The following CAMLG variants were observed in gnomAD, a reference collection of about 807,000 sequenced individuals.
CAMLG encodes calcium modulating ligand.
Under a neutral mutation model 28.9 loss-of-function variants are expected in CAMLG, and 23 were observed. The observed-to-expected ratio is 0.80, with a 90% CI of 0.57 to 1.13. The LOEUF (loss-of-function observed/expected upper bound fraction) is 1.13, where lower values mean the gene tolerates loss of function less well. CAMLG is among the 50% of genes most tolerant of loss of function. The pLI, the probability that CAMLG is intolerant of heterozygous loss-of-function variation, is 0.00. For synonymous variants in CAMLG, 141 were observed against 146.5 expected (o/e 0.96, Z 0.27); for missense variants, 367 against 371.9 (o/e 0.99, Z 0.11).
At chr5:134,745,482 G>A (rs964623186) in intron 3 of CAMLG, among the ~76,000 whole-genome samples, 4 of 151,222 alleles carry the variant, frequency 2.6e-5, no homozygotes, top group Admixed American at 1.3e-4. Context: ...GCTGGGCGCC[G>A]TGGCTCACGC....
In CAMLG at chr5:134,751,044, T is replaced by C; in HGVS notation, c.*94T>C. 1.2e-6 allele frequency: 1 copy of C among 812,430 alleles called. No individual in the cohort carries two copies. Among genetic ancestry groups the C allele is most frequent in the South Asian group, 1.9e-5 (1 of 52,284 alleles). 50.3% of individuals were successfully genotyped at this position (812,430 alleles called of 1,614,324 possible). A position where few individuals can be genotyped will look rare whatever the true frequency, so the allele number is the denominator to read the frequency against. The stretch of plus-strand genomic sequence containing the variant: ...AAAGGAGGCAAATTGGTTTACACCT[T>C]CATGTAATTCTTTTACTTTAGGGGT... On this transcript the variant is annotated 3_prime_UTR_variant, in exon 4 of 4. Transcript: ENST00000297156.
chr5:134,738,673 C>T lies in CAMLG; in HGVS notation c.53C>T (p.Ala18Val). The T allele has an allele frequency of 6.2e-7, 1 of 1,613,472 alleles. No homozygotes were observed. Residue 18 changes from alanine to valine, a missense_variant, in exon 1 of 4, where the codon GCG becomes GTG. Transcript: ENST00000297156. Reference protein sequence around the residue: ...TDGGERPGVPAGSGLSASQRR... With the variant: ...TDGGERPGVPVGSGLSASQRR... ...GGCGGGGAGAGGCCGGGGGTCCCAG[C>T]GGGCTCAGGTCTGTCGGCTTCCCAG...
At chr5:134,747,349 C>A (rs533737859) in intron 3 of CAMLG, among the ~76,000 whole-genome samples, 40 of 151,882 alleles carry the variant, frequency 2.6e-4, no homozygotes, top group Non-Finnish European at 5.6e-4. Context: ...TTTTAAGGTT[C>A]TTTAGGTAAT....
In CAMLG at chr5:134,741,385, A is replaced by G. The variant is rs201512277; in HGVS notation, c.495A>G (p.Leu165=). The G allele has an allele frequency of 2.5e-5, 40 of 1,614,068 alleles. No individual in the cohort carries two copies. The highest frequency in any genetic ancestry group is 3.3e-5 in the Non-Finnish European group (39 of 1,180,000). Residue 165 remains leucine, a synonymous_variant, in exon 2 of 4, where the codon CTA becomes CTG. Coordinates refer to ENST00000297156, the MANE Select transcript of CAMLG (RefSeq NM_001745.4). Reference sequence around the variant, plus strand: ...CCAGATTCGAAGAAGCAATGAAGCTAAGGAAACAGCTGATTAGTGAAAAAC... The same window carrying G: ...CCAGATTCGAAGAAGCAATGAAGCTGAGGAAACAGCTGATTAGTGAAAAAC... ...YLSRFEEAMK[L]RKQLISEKPS...
Position 134,744,001 on chromosome 5 carries a change from A to G in CAMLG, c.648A>G (p.Pro216=). The G allele has an allele frequency of 1.4e-6, 2 of 1,408,470 alleles. No homozygotes were observed. The highest frequency in any genetic ancestry group is 1.0e-6 in the Non-Finnish European group (1 of 995,940). 87.2% of individuals were successfully genotyped at this position (1,408,470 alleles called of 1,614,324 possible). A position where few individuals can be genotyped will look rare whatever the true frequency, so the allele number is the denominator to read the frequency against. ...TATCTTCACAGTCCATATTTGCTCC[A>G]TTTCTTACTTTACAACTTGCGTACA... ...FVCKYLSIFA[P]FLTLQLAYMG... The change falls in exon 3 of 4, where the codon CCA becomes CCG. Residue 216 remains proline, a synonymous_variant. Transcript: ENST00000297156.
At chr5:134,747,235 A>C (rs747542283) in intron 3 of CAMLG, among the ~76,000 whole-genome samples, 1 of 152,140 alleles carries the variant, frequency 6.6e-6, no homozygotes, top group Non-Finnish European at 1.5e-5. Flanking sequence ...AATCTCTGTA[A>C]AGTTTTTCCA....
At chr5:134,739,197 T>C (rs542527315) in intron 1 of CAMLG, among the ~76,000 whole-genome samples, 1 of 152,308 alleles carries the variant, frequency 6.6e-6, no homozygotes, top group South Asian at 2.1e-4. Context: ...TTCCTTACAG[T>C]GCCTTCTCTA....
intron 3 of CAMLG, among the ~76,000 whole-genome samples, chr5:134,749,120 T>G (rs1044616854): frequency 6.6e-6 from 1 of 151,270 alleles, no homozygotes; most frequent in Non-Finnish European, 1.5e-5. Context: ...CAGGCTGGAG[T>G]GCAGTGGCAC....
chr5:134,748,970 GGTT>G (rs1341446175), intron 3 of CAMLG, among the ~76,000 whole-genome samples: 1 of 151,586 alleles, frequency 6.6e-6, no homozygotes. Flanking sequence ...TGGACATCCT[GGTT>G]GTTTTCAGTT....
chr5:134,745,696 T>C (rs1282262926), intron 3 of CAMLG, among the ~76,000 whole-genome samples: 1 of 148,116 alleles, frequency 6.8e-6, no homozygotes, highest in African/African-American at 2.5e-5. Flanking sequence ...GAGGTTGCAG[T>C]GAGCCCAGAC....
At chr5:134,743,138 A>G (rs895457283) in intron 2 of CAMLG, among the ~76,000 whole-genome samples, 2 of 152,178 alleles carry the variant, frequency 1.3e-5, no homozygotes, top group East Asian at 3.9e-4. Context: ...CTCCTGCCTC[A>G]GCCTTCTGCA....
In CAMLG at chr5:134,744,925, CATAGACG is replaced by C. The variant is rs558413089; in HGVS notation, c.699+878_699+884del. 2.1e-3 allele frequency among the ~76,000 whole-genome samples: 323 copies of C among 152,270 alleles called. 2 individuals carry two copies. Among genetic ancestry groups the C allele is most frequent in the African/African-American group, 6.7e-3 (278 of 41,552 alleles). Reference sequence around the variant, plus strand: ...GTTTTATGAGGCTTGGCTTGCCTGACATAGACGATAGCCTAACTAGTGTGATCGAATT... The same window carrying C: ...GTTTTATGAGGCTTGGCTTGCCTGACATAGCCTAACTAGTGTGATCGAATT... On this transcript the variant is annotated intron_variant, in intron 3 of 3. Coordinates refer to ENST00000297156, the MANE Select transcript of CAMLG (RefSeq NM_001745.4).
At chr5:134,745,874 C>T (rs1753041086) in intron 3 of CAMLG, among the ~76,000 whole-genome samples, 1 of 151,430 alleles carries the variant, frequency 6.6e-6, no homozygotes, top group African/African-American at 2.4e-5. Context: ...CACGGTGGCT[C>T]ATGCCTGTAA....
At chr5:134,739,108 C>T (rs1184098483) in intron 1 of CAMLG, among the ~76,000 whole-genome samples, 1 of 152,136 alleles carries the variant, frequency 6.6e-6, no homozygotes, top group Non-Finnish European at 1.5e-5. Context: ...TCTTGAAGGG[C>T]GCACGTTGTA....
At chr5:134,744,344 T>C (rs1753020258) in intron 3 of CAMLG, among the ~76,000 whole-genome samples, 1 of 152,052 alleles carries the variant, frequency 6.6e-6, no homozygotes, top group Non-Finnish European at 1.5e-5. Context: ...GCCAACATGG[T>C]GCAACCCCAT....
rs1753113871 is a variant in CAMLG at position 134,751,561 on chromosome 5, T to G, written c.*611T>G. 6.6e-6 allele frequency: 1 copy of G among 152,222 alleles called. No individual in the cohort carries two copies. 9.4% of individuals were successfully genotyped at this position (152,222 alleles called of 1,614,324 possible). On this transcript the variant is annotated 3_prime_UTR_variant, in exon 4 of 4. Transcript: ENST00000297156. Reference sequence around the variant, plus strand: ...AACTTTTTACATTTGAGTTTCACTTTTTAGAAGTATGTTTTAAGCAAGCAA... The same window carrying G: ...AACTTTTTACATTTGAGTTTCACTTGTTAGAAGTATGTTTTAAGCAAGCAA...
chr5:134,746,398 A>G (rs1162344264), intron 3 of CAMLG, among the ~76,000 whole-genome samples: 1 of 152,202 alleles, frequency 6.6e-6, no homozygotes, highest in Non-Finnish European at 1.5e-5. Context: ...AGATGTATAT[A>G]TGGGTACTAT....
intron 3 of CAMLG, among the ~76,000 whole-genome samples, chr5:134,745,917 T>G (rs1341384893): frequency 6.6e-6 from 1 of 151,440 alleles, no homozygotes; most frequent in Non-Finnish European, 1.5e-5. Flanking sequence ...GGCGGGCGGA[T>G]CAGCTGAGGT....
At chr5:134,747,822 A>T in intron 3 of CAMLG, among the ~76,000 whole-genome samples, 1 of 149,802 alleles carries the variant, frequency 6.7e-6, no homozygotes, top group East Asian at 2.0e-4. Flanking sequence ...TTGTAATTTT[A>T]GTAGAGACGG....
Sources: allele counts gnomAD v4.1 joint callset (sites outside exome capture counted in the v4.1 genomes callset), GRCh38; gene constraint gnomAD v4.1.1; transcripts MANE v1.5; gene names NCBI Gene and HGNC (gene_info 2026-07-23, HGNC 2026-07-21).